The following YY1 variants were observed in gnomAD, a reference collection of about 807,000 sequenced individuals.
YY1 encodes transcriptional repressor protein YY1.
A neutral mutation model predicts 35.6 loss-of-function variants in YY1; 2 were observed. The ratio of observed to expected loss-of-function variants is 0.06; its 90% CI spans 0.02 to 0.18. The LOEUF is 0.18. YY1 is among the 10% of genes least tolerant of loss of function. YY1 has a pLI of 1.00. For synonymous variants in YY1, 268 were observed against 238.9 expected, an observed-to-expected ratio of 1.12 and a Z score of -1.12; for missense variants, 322 against 573.4, an observed-to-expected ratio of 0.56 and a Z score of 4.48.
intron 2 of YY1, among the ~76,000 whole-genome samples, chr14:100,271,818 A>G (rs1029516288): frequency 6.6e-6 from 1 of 151,646 alleles, no homozygotes; most frequent in South Asian, 2.1e-4. Context: ...CTAACTTTTT[A>G]TTTTTTTTAG....
chr14:100,250,584 G>T (rs58528803), intron 1 of YY1, among the ~76,000 whole-genome samples: 2,952 of 152,180 alleles, frequency 0.019, 112 homozygotes, highest in African/African-American at 0.068. Context: ...ACCTTCATCT[G>T]ATATTAATTC....
chr14:100,246,253 A>G (rs1890831798), intron 1 of YY1, among the ~76,000 whole-genome samples: 1 of 152,192 alleles, frequency 6.6e-6, no homozygotes, highest in Admixed American at 6.5e-5. Flanking sequence ...CTGCCTGCCC[A>G]TGGCTAATGA....
chr14:100,271,700 G>C (rs1041906544), intron 2 of YY1, among the ~76,000 whole-genome samples: 1 of 151,486 alleles, frequency 6.6e-6, no homozygotes, highest in African/African-American at 2.4e-5. Context: ...ACAAGGTCTC[G>C]TTCTGTCACC....
chr14:100,249,100 AT>A (rs60088505), intron 1 of YY1, among the ~76,000 whole-genome samples: 26 of 46,832 alleles, frequency 5.6e-4, no homozygotes, highest in East Asian at 9.2e-4. Flanking sequence ...TTCTCGTGTA[AT>A]TTTTTTTTTT....
chr14:100,261,298 C>T (rs921179470), intron 1 of YY1, among the ~76,000 whole-genome samples: 2 of 152,126 alleles, frequency 1.3e-5, no homozygotes, highest in African/African-American at 4.8e-5. Flanking sequence ...AAGCAATTCT[C>T]CTGCCTCAGC....
At chr14:100,244,919 TTTTA>T (rs950463837) in intron 1 of YY1, among the ~76,000 whole-genome samples, 1 of 151,260 alleles carries the variant, frequency 6.6e-6, no homozygotes, top group African/African-American at 2.4e-5. Flanking sequence ...CTGTATTTAT[TTTTA>T]TTTATTTATT....
At chr14:100,267,093 G>T (rs536857081) in intron 2 of YY1, among the ~76,000 whole-genome samples, 1 of 152,262 alleles carries the variant, frequency 6.6e-6, no homozygotes, top group African/African-American at 2.4e-5. Context: ...TGAGTAAGAA[G>T]CTTGGTGGTA....
At chr14:100,256,863 A>G (rs1024114167) in intron 1 of YY1, among the ~76,000 whole-genome samples, 1 of 147,440 alleles carries the variant, frequency 6.8e-6, no homozygotes, top group Non-Finnish European at 1.5e-5. Flanking sequence ...TTTTACCACA[A>G]TTTTTTTTTT....
In YY1 at chr14:100,257,128, G is replaced by T. The variant is rs527313823; in HGVS notation, c.680-5176G>T. 1.5e-4 allele frequency among the ~76,000 whole-genome samples: 23 copies of T among 152,180 alleles called. No individual in the cohort carries two copies. In the South Asian group the frequency reaches 4.2e-3, roughly 27 times the overall value. ...GACAGAGCTAGTTGTCTCCCTACCT[G>T]TGGATATACCTCTTCAGTCTCCTTT... On this transcript the variant is annotated intron_variant, in intron 1 of 4. Coordinates refer to ENST00000262238, the MANE Select transcript of YY1 (RefSeq NM_003403.5).
At chr14:100,274,839 CT>C in intron 3 of YY1, 81 bp downstream of exon 3, 1 of 1,294,774 alleles carries the variant, frequency 7.7e-7, no homozygotes, top group South Asian at 1.2e-5. Context: ...ACTTTTGTTT[CT>C]GCTTGTGATA....
intron 1 of YY1, among the ~76,000 whole-genome samples, chr14:100,242,676 C>G (rs1293192806): frequency 6.6e-6 from 1 of 152,160 alleles, no homozygotes; most frequent in African/African-American, 2.4e-5. Context: ...GTGTGAGCCA[C>G]CGCGCCCAGC....
intron 2 of YY1, 92 bp from the exon 3 acceptor site, chr14:100,274,605 TA>T (rs1891293733): frequency 3.5e-6 from 4 of 1,129,436 alleles, no homozygotes; most frequent in East Asian, 4.7e-5. Flanking sequence ...TTTGGGTACC[TA>T]TAAGGAAAGC....
Position 100,239,812 on chromosome 14 carries a change from G to C in YY1, c.568G>C (p.Ala190Pro). 1 of 1,500,824 alleles carries C rather than the reference G, an allele frequency of 6.7e-7. No homozygotes were observed. The highest frequency in any genetic ancestry group is 8.8e-7 in the Non-Finnish European group (1 of 1,131,898). 93.0% of individuals were successfully genotyped at this position (1,500,824 alleles called of 1,614,324 possible). A position where few individuals can be genotyped will look rare whatever the true frequency, so the allele number is the denominator to read the frequency against. Residue 190 changes from alanine to proline, a missense_variant, in exon 1 of 5, where the codon GCC becomes CCC. Coordinates refer to ENST00000262238, the MANE Select transcript of YY1 (RefSeq NM_003403.5). The stretch of plus-strand genomic sequence containing the variant: ...CAAGAAGAGTTACCTCAGCGGCGGG[G>C]CCGGCGCGGCGGGCGGCGGCGGCGC... ...SGKKSYLSGG[A>P]GAAGGGGADP...
rs192254509 is a variant in YY1, at chr14:100,281,543, C to T, written c.*3943C>T. 2.1e-3 allele frequency: 325 copies of T among 152,298 alleles called. 5 individuals carry two copies. The highest frequency in any genetic ancestry group is 3.5e-4 in the Non-Finnish European group (24 of 68,056). The allele number at this position is 152,298 out of a possible 1,614,324, so 9.4% of individuals were successfully genotyped here. ...CAGGTCCTGGCAAGTGCATTCCACCCGAACTTTTAACCCAAGCGGTGGGGA... is the reference window on the plus strand; with the variant it reads ...CAGGTCCTGGCAAGTGCATTCCACCTGAACTTTTAACCCAAGCGGTGGGGA... On this transcript the variant is annotated 3_prime_UTR_variant, in exon 5 of 5. Coordinates refer to ENST00000262238, the MANE Select transcript of YY1 (RefSeq NM_003403.5).
At chr14:100,258,850 T>A (rs1335655800) in intron 1 of YY1, among the ~76,000 whole-genome samples, 2 of 152,276 alleles carry the variant, frequency 1.3e-5, no homozygotes, top group African/African-American at 4.8e-5. Flanking sequence ...GTGCTTTTCA[T>A]TGCTGAGAGT....
At chr14:100,272,350 A>G (rs1013874525) in intron 2 of YY1, among the ~76,000 whole-genome samples, 1 of 152,042 alleles carries the variant, frequency 6.6e-6, no homozygotes, top group Non-Finnish European at 1.5e-5. Context: ...TAGAATTTAA[A>G]ATAACAAATA....
At chr14:100,273,876 G>A (rs1386799021) in intron 2 of YY1, among the ~76,000 whole-genome samples, 1 of 152,172 alleles carries the variant, frequency 6.6e-6, no homozygotes, top group Non-Finnish European at 1.5e-5. Context: ...CAGTGGAGAA[G>A]CAGGTAGGTA....
In YY1 at chr14:100,278,163, T is replaced by C. The variant is rs1281513524; in HGVS notation, c.*563T>C. On this transcript the variant is annotated 3_prime_UTR_variant, in exon 5 of 5. Transcript: ENST00000262238. Reference sequence around the variant, plus strand: ...AAAAAAAAGTTATATAGGTTTTGTTTGCTATCTTAATTTTGGTTGTATTCT... The same window carrying C: ...AAAAAAAAGTTATATAGGTTTTGTTCGCTATCTTAATTTTGGTTGTATTCT... 6.4e-6 allele frequency: 1 copy of C among 155,666 alleles called. No homozygotes were observed. The highest frequency in any genetic ancestry group is 1.4e-5 in the Non-Finnish European group (1 of 70,068). 9.6% of individuals were successfully genotyped at this position (155,666 alleles called of 1,614,324 possible).
At position 100,274,882 on chromosome 14, in the gene YY1, G is replaced by T. The variant is rs569255960; in HGVS notation, c.903+124G>T. ...ATGAAGCAAGGAATTAGAATCTTCG[G>T]TTTCTAAATCCAAGAGATGAAGTTT... On this transcript the variant is annotated intron_variant, in intron 3 of 4. Coordinates refer to ENST00000262238, the MANE Select transcript of YY1 (RefSeq NM_003403.5). 69 of 1,002,662 alleles carry T rather than the reference G, an allele frequency of 6.9e-5. No individual in the cohort carries two copies. In the South Asian group the frequency reaches 9.8e-4, roughly 14 times the overall value. The allele number at this position is 1,002,662 out of a possible 1,614,324, so 62.1% of individuals were successfully genotyped here. A position where few individuals can be genotyped will look rare whatever the true frequency, so the allele number is the denominator to read the frequency against.
Sources: gnomAD v4.1 joint callset for allele counts (sites outside exome capture counted in the v4.1 genomes callset) on GRCh38, gnomAD v4.1.1 for gene constraint, MANE v1.5 for transcripts, NCBI Gene and HGNC (gene_info 2026-07-23, HGNC 2026-07-21) for gene names.